ENAH: variants seen among roughly 807,000 people sequenced by gnomAD.
ENAH encodes the protein protein enabled homolog.
A neutral mutation model predicts 78.7 loss-of-function variants in ENAH; 23 were observed. That is an observed-to-expected ratio of 0.29 (90% CI 0.21 to 0.41). The LOEUF (loss-of-function observed/expected upper bound fraction) is 0.41. ENAH is among the 10% of genes least tolerant of loss of function. ENAH has a pLI of 1.00. For missense variants in ENAH, 544 were observed against 691.0 expected, an observed-to-expected ratio of 0.79 and a Z score of 2.39; for synonymous variants, 226 against 241.0, an observed-to-expected ratio of 0.94 and a Z score of 0.58.
At chr1:225,519,827 T>C (rs1412077267) in intron 4 of ENAH, among the ~76,000 whole-genome samples, 1 of 152,196 alleles carries the variant, frequency 6.6e-6, no homozygotes. Flanking sequence ...TTTTCATGAG[T>C]AGTGTTGCAA....
upstream of ENAH, chr1:225,653,221 G>A (rs1450076407): frequency 1.3e-5 from 2 of 150,956 alleles, no homozygotes; most frequent in African/African-American, 4.9e-5. This position sits in a 1 kb window ranked among gnomAD's most constrained non-coding sequence, Gnocchi z 4.3. Context: ...GCGAGGGGGC[G>A]GTGCGGGGGG....
intron 1 of ENAH, among the ~76,000 whole-genome samples, chr1:225,604,538 C>T (rs2096945737): frequency 6.6e-6 from 1 of 150,738 alleles, no homozygotes; most frequent in African/African-American, 2.4e-5. Flanking sequence ...AATCTCAGCA[C>T]TTTAGGAGGC....
intron 1 of ENAH, among the ~76,000 whole-genome samples, chr1:225,572,735 C>A (rs996858084): frequency 6.6e-6 from 1 of 152,158 alleles, no homozygotes; most frequent in African/African-American, 2.4e-5. Flanking sequence ...GTCAGTGAAG[C>A]GACTACGCAA....
chr1:225,611,821 G>T (rs2096991197), intron 1 of ENAH, among the ~76,000 whole-genome samples: 1 of 152,042 alleles, frequency 6.6e-6, no homozygotes. Context: ...AAGAGATGCT[G>T]AACATTTTTA....
chr1:225,615,903 G>A (rs948051443), intron 1 of ENAH, among the ~76,000 whole-genome samples: 5 of 152,168 alleles, frequency 3.3e-5, no homozygotes, highest in African/African-American at 7.2e-5. Context: ...GGAAATGTGC[G>A]GAAAAGAAAG....
chr1:225,589,127 A>G lies in ENAH; in HGVS notation c.6-21713T>C, dbSNP rs11579017. Among the ~76,000 whole-genome samples, 671 of 152,282 alleles carry G rather than the reference A, an allele frequency of 4.4e-3. 2 individuals are homozygous for G. Among genetic ancestry groups the G allele is most frequent in the Middle Eastern group, 0.024 (7 of 294 alleles). ...GAAAAAAAAGCTAATCTATAGTAGA[A>G]ACAAAACAGTATGGGCAGCAGGGGA... is the stretch of plus-strand genomic sequence containing the variant. On this transcript the variant is annotated intron_variant, in intron 1 of 13. Coordinates refer to ENST00000366843, the MANE Select transcript of ENAH (RefSeq NM_018212.6).
rs184133766 is a variant in ENAH at position 225,631,906 on chromosome 1, A to G, written c.5+20780T>C. Among the ~76,000 whole-genome samples the G allele has an allele frequency of 3.5e-3, 535 of 152,314 alleles. 1 individual carries two copies. The highest frequency in any genetic ancestry group is 5.1e-3 in the Non-Finnish European group (350 of 68,030). ...CCCTTCAGTTTATTTTCTAAAAATT[A>G]TAATTTATAAGAAAAGACTATAATG... On this transcript the variant is annotated intron_variant, in intron 1 of 13. Transcript: ENST00000366843.
chr1:225,543,314 T>G (rs2096598420), intron 3 of ENAH, among the ~76,000 whole-genome samples: 1 of 152,168 alleles, frequency 6.6e-6, no homozygotes, highest in African/African-American at 2.4e-5. Context: ...GTTACAATAT[T>G]ACCACAGCAA....
chr1:225,604,504 C>T (rs188639758), intron 1 of ENAH, among the ~76,000 whole-genome samples: 68 of 152,038 alleles, frequency 4.5e-4, no homozygotes, highest in Non-Finnish European at 8.5e-4. Context: ...ACAAATGTGG[C>T]CAGGCGCAGT....
At chr1:225,629,785 T>G (rs1433424055) in intron 1 of ENAH, among the ~76,000 whole-genome samples, 1 of 152,218 alleles carries the variant, frequency 6.6e-6, no homozygotes, top group Non-Finnish European at 1.5e-5. Flanking sequence ...CTATTGCTCT[T>G]TATTCTAAAC....
intron 1 of ENAH, among the ~76,000 whole-genome samples, chr1:225,575,273 T>C (rs1332898482): frequency 6.6e-6 from 1 of 152,204 alleles, no homozygotes; most frequent in Non-Finnish European, 1.5e-5. Context: ...AACTGGCTTA[T>C]TTCAAAAATC....
At chr1:225,556,800 C>T (rs2096669272) in intron 2 of ENAH, among the ~76,000 whole-genome samples, 1 of 152,122 alleles carries the variant, frequency 6.6e-6, no homozygotes, top group African/African-American at 2.4e-5. Flanking sequence ...CTTGTAGAAG[C>T]TTTATTATTT....
At chr1:225,585,102 G>C (rs532692261) in intron 1 of ENAH, among the ~76,000 whole-genome samples, 13 of 151,112 alleles carry the variant, frequency 8.6e-5, no homozygotes, top group Non-Finnish European at 1.5e-4. Flanking sequence ...TATAATCCCA[G>C]CTACTCAGGA....
At chr1:225,527,461 C>A (rs1016145867) in intron 4 of ENAH, among the ~76,000 whole-genome samples, 1 of 152,198 alleles carries the variant, frequency 6.6e-6, no homozygotes, top group Non-Finnish European at 1.5e-5. Flanking sequence ...CAGATCCAGC[C>A]ATGCACTACT....
At chr1:225,557,613 G>T (rs2096673388) in intron 2 of ENAH, among the ~76,000 whole-genome samples, 1 of 152,188 alleles carries the variant, frequency 6.6e-6, no homozygotes. Flanking sequence ...TTGACGTCAG[G>T]AGTTCAAGAC....
intron 1 of ENAH, among the ~76,000 whole-genome samples, chr1:225,593,640 T>C (rs1220370913): frequency 6.6e-6 from 1 of 152,170 alleles, no homozygotes; most frequent in Non-Finnish European, 1.5e-5. Flanking sequence ...TCACACACTT[T>C]GGCAATGTGT....
At chr1:225,510,549 T>A (rs1484824143) in intron 10 of ENAH, among the ~76,000 whole-genome samples, 1 of 151,690 alleles carries the variant, frequency 6.6e-6, no homozygotes, top group Non-Finnish European at 1.5e-5. Flanking sequence ...ACAAACTGAG[T>A]CCTATTCAGA....
At chr1:225,628,889 A>C (rs1658442868) in intron 1 of ENAH, among the ~76,000 whole-genome samples, 1 of 149,566 alleles carries the variant, frequency 6.7e-6, no homozygotes, top group Non-Finnish European at 1.5e-5. Context: ...CTGGGCAACA[A>C]GAGCGAAACT....
At chr1:225,615,577 C>G (rs2148184151) in intron 1 of ENAH, among the ~76,000 whole-genome samples, 1 of 151,956 alleles carries the variant, frequency 6.6e-6, no homozygotes, top group Non-Finnish European at 1.5e-5. Flanking sequence ...TTCCCGGCTG[C>G]CAGCCCGTCT....
Sources: allele counts gnomAD v4.1 joint callset (sites outside exome capture counted in the v4.1 genomes callset), GRCh38; gene constraint gnomAD v4.1.1; non-coding constraint Gnocchi (gnomAD v3.1); transcripts MANE v1.5; gene names NCBI Gene and HGNC (gene_info 2026-07-23, HGNC 2026-07-21).